Variants in SEC24B observed in about 807,000 individuals in gnomAD.
SEC24B encodes protein transport protein Sec24B.
In SEC24B, 45 loss-of-function variants were observed where a neutral mutation model predicts 142.8. That is an observed-to-expected ratio of 0.32 (90% CI 0.25 to 0.40). The LOEUF (loss-of-function observed/expected upper bound fraction) is 0.40, where lower values mean the gene tolerates loss of function less well. Among genes scored for constraint, SEC24B ranks in the 10% least tolerant of loss-of-function variants. The pLI is 1.00. For synonymous variants in SEC24B, 574 were observed against 568.2 expected, an observed-to-expected ratio of 1.01 and a Z score of -0.15; for missense variants, 1,409 against 1,526.8, an observed-to-expected ratio of 0.92 and a Z score of 1.29.
At position 109,512,152 on chromosome 4, in the gene SEC24B, C is replaced by T. The variant is rs561879871; in HGVS notation, c.1903+69C>T. ...TTTTTTTTTTTGAGATTTTTGTCAT[C>T]TCCTGGTTTCTCTCTTCATTGCTTT... On this transcript the variant is annotated intron_variant, in intron 9 of 23. Transcript: ENST00000265175. 27 of 1,349,820 alleles carry T rather than the reference C, an allele frequency of 2.0e-5. 1 individual carries two copies. The South Asian group carries it at 3.1e-4, about 16-fold the overall frequency. 83.6% of individuals were successfully genotyped at this position (1,349,820 alleles called of 1,614,324 possible).
chr4:109,465,278 T>C (rs1412703933), intron 2 of SEC24B, among the ~76,000 whole-genome samples: 1 of 152,238 alleles, frequency 6.6e-6, no homozygotes, highest in Non-Finnish European at 1.5e-5. Context: ...CCAGAATCAC[T>C]GGCACAGATT....
chr4:109,482,147 G>A (rs1178088204), intron 4 of SEC24B, among the ~76,000 whole-genome samples: 1 of 152,050 alleles, frequency 6.6e-6, no homozygotes, highest in East Asian at 1.9e-4. Flanking sequence ...TTTCTGCTTT[G>A]CCTGCTACTT....
chr4:109,487,489 T>A (rs978688556), intron 4 of SEC24B, among the ~76,000 whole-genome samples: 5 of 152,190 alleles, frequency 3.3e-5, no homozygotes, highest in African/African-American at 1.2e-4. Context: ...TTGAAGTTTG[T>A]TTTATGACAG....
intron 11 of SEC24B, among the ~76,000 whole-genome samples, chr4:109,517,781 G>C (rs1218086768): frequency 6.6e-6 from 1 of 152,062 alleles, no homozygotes; most frequent in African/African-American, 2.4e-5. Context: ...AAAGAATCTG[G>C]ATGAGAGAAA....
intron 3 of SEC24B, among the ~76,000 whole-genome samples, 192 bp downstream of exon 3, chr4:109,473,378 T>G (rs1732739790): frequency 6.6e-6 from 1 of 152,232 alleles, no homozygotes; most frequent in Non-Finnish European, 1.5e-5. Flanking sequence ...ACATAGTTCT[T>G]CATATATATT....
chr4:109,518,483 T>C (rs1723221073), intron 11 of SEC24B, among the ~76,000 whole-genome samples: 2 of 152,330 alleles, frequency 1.3e-5, no homozygotes, highest in Middle Eastern at 3.4e-3. Flanking sequence ...GGTTCTCCTC[T>C]ATCTTTCATT....
intron 14 of SEC24B, among the ~76,000 whole-genome samples, chr4:109,523,973 A>G (rs1723944092): frequency 6.6e-6 from 1 of 152,204 alleles, no homozygotes; most frequent in Admixed American, 6.5e-5. Context: ...TTGAGAAGGA[A>G]GCTAATTTTA....
rs771974068 is a variant in SEC24B at position 109,463,573 on chromosome 4, C to T, written c.806C>T (p.Ser269Leu). 36 of 1,614,060 alleles carry T rather than the reference C, an allele frequency of 2.2e-5. No individual in the cohort carries two copies. Among genetic ancestry groups the T allele is most frequent in the Admixed American group, 5.0e-5 (3 of 60,002 alleles). Residue 269 changes from serine (S) to leucine (L), a missense_variant, in exon 2 of 24, where the codon TCG (serine) becomes TTG (leucine). Physicochemically the swap from Ser to Leu is moderately radical, Grantham distance 145. Coordinates refer to ENST00000265175, the MANE Select transcript of SEC24B (RefSeq NM_006323.5). ...ACGTGGTCATCTCCAGGCCTTCCATCGACTCAAGACAATCTCATCCGAAAC... is the reference window on the plus strand; with the variant it reads ...ACGTGGTCATCTCCAGGCCTTCCATTGACTCAAGACAATCTCATCCGAAAC... Reference protein sequence around the residue: ...TLTWSSPGLPSTQDNLIRNHT... With the variant: ...TLTWSSPGLPLTQDNLIRNHT...
intron 14 of SEC24B, among the ~76,000 whole-genome samples, chr4:109,523,599 A>G (rs112722497): frequency 4.6e-4 from 70 of 152,344 alleles, no homozygotes; most frequent in African/African-American, 1.7e-3. Context: ...ATGAACAAAA[A>G]TATTCATTTT....
At chr4:109,462,506 T>G (rs551088789) in intron 1 of SEC24B, among the ~76,000 whole-genome samples, 1 of 152,318 alleles carries the variant, frequency 6.6e-6, no homozygotes, top group African/African-American at 2.4e-5. Context: ...GCCAGAGAGT[T>G]AAGTTCCTCC....
intron 6 of SEC24B, among the ~76,000 whole-genome samples, chr4:109,498,303 T>TA (rs1465654624): frequency 6.6e-6 from 1 of 152,202 alleles, no homozygotes; most frequent in Non-Finnish European, 1.5e-5. Flanking sequence ...ACCTGTCTAC[T>TA]AAAAAAAGAT....
intron 4 of SEC24B, among the ~76,000 whole-genome samples, chr4:109,482,019 A>G (rs1733793461): frequency 6.6e-6 from 1 of 152,266 alleles, no homozygotes; most frequent in Non-Finnish European, 1.5e-5. Context: ...TCATGACAGT[A>G]GAGTGCATTC....
intron 1 of SEC24B, among the ~76,000 whole-genome samples, chr4:109,439,747 C>A: frequency 6.6e-6 from 1 of 150,546 alleles, no homozygotes; most frequent in Non-Finnish European, 1.5e-5. Context: ...ATGATCCACC[C>A]GCCTTAGCCT....
chr4:109,443,805 T>C (rs1729159916), intron 1 of SEC24B, among the ~76,000 whole-genome samples: 1 of 152,202 alleles, frequency 6.6e-6, no homozygotes, highest in African/African-American at 2.4e-5. Flanking sequence ...AAGTTAGAAC[T>C]TCAGCTATAT....
intron 1 of SEC24B, among the ~76,000 whole-genome samples, chr4:109,444,019 T>C (rs1266971682): frequency 6.6e-6 from 1 of 151,854 alleles, no homozygotes; most frequent in African/African-American, 2.4e-5. Flanking sequence ...GGTCAGGAGT[T>C]CGAGACCAGC....
intron 6 of SEC24B, among the ~76,000 whole-genome samples, chr4:109,502,602 C>T (rs962359340): frequency 2.0e-5 from 3 of 152,144 alleles, no homozygotes; most frequent in African/African-American, 7.2e-5. Flanking sequence ...TTTGGCATAA[C>T]ACCTGGGTAG....
intron 2 of SEC24B, 88 bp from the exon 3 acceptor site, chr4:109,472,916 A>G (rs1732676452): frequency 8.5e-6 from 3 of 351,630 alleles, no homozygotes; most frequent in Admixed American, 5.1e-5. Flanking sequence ...TATATATTAT[A>G]TACATTATAT....
chr4:109,510,137 T>C lies in SEC24B; in HGVS notation c.1776+26T>C, dbSNP rs755908634. On this transcript the variant is annotated intron_variant, in intron 8 of 23. Coordinates refer to ENST00000265175, the MANE Select transcript of SEC24B (RefSeq NM_006323.5). ...GTAAAGTAACATTTTATAATATTTA[T>C]GGGTACTGACATGTATGCTTATGTA... 9 of 1,342,652 alleles carry C rather than the reference T, an allele frequency of 6.7e-6. No individual in the cohort carries two copies. The South Asian group carries it at 8.8e-5, about 13-fold the overall frequency. The allele number at this position is 1,342,652 out of a possible 1,614,324, so 83.2% of individuals were successfully genotyped here.
intron 1 of SEC24B, among the ~76,000 whole-genome samples, chr4:109,446,355 G>A (rs1236362335): frequency 1.3e-5 from 2 of 152,196 alleles, no homozygotes; most frequent in South Asian, 4.1e-4. Context: ...AATACCAGTG[G>A]CCACTAGAAG....
Sources: gnomAD v4.1 joint callset for allele counts (sites outside exome capture counted in the v4.1 genomes callset) on GRCh38, gnomAD v4.1.1 for gene constraint, MANE v1.5 for transcripts, NCBI Gene and HGNC (gene_info 2026-07-23, HGNC 2026-07-21) for gene names.